The following HTR2C variants were observed in gnomAD, a reference collection of about 807,000 sequenced individuals.
The protein encoded by HTR2C is 5-hydroxytryptamine receptor 2C, also known as 5-hydroxytryptamine (serotonin) receptor 2C, G protein-coupled.
A neutral mutation model predicts 21.0 loss-of-function variants in HTR2C; 5 were observed. That is an observed-to-expected ratio of 0.24 (90% CI 0.12 to 0.50). The LOEUF (loss-of-function observed/expected upper bound fraction) is 0.50, where lower values mean the gene tolerates loss of function less well. HTR2C is among the 20% of genes least tolerant of loss of function. The pLI, the probability that HTR2C is intolerant of heterozygous loss-of-function variation, is 0.98. For missense variants in HTR2C, 271 were observed against 371.2 expected, an observed-to-expected ratio of 0.73 and a Z score of 2.22; for synonymous variants, 150 against 145.3, an observed-to-expected ratio of 1.03 and a Z score of -0.23.
At chrX:114,588,715 G>GT (rs1927508970) in intron 1 of HTR2C, among the ~76,000 whole-genome samples, 1 of 111,882 alleles carries the variant, frequency 8.9e-6, no homozygotes, top group Non-Finnish European at 1.9e-5. Context: ...TTAAACTTAC[G>GT]TATCTCCCAT....
At chrX:114,720,149 A>G (rs1213615537) in intron 2 of HTR2C, among the ~76,000 whole-genome samples, 1 of 111,102 alleles carries the variant, frequency 9.0e-6, no homozygotes. Context: ...GGTAAAATTT[A>G]TGGGACAGTA....
chrX:114,815,597 T>C (rs1476473121), intron 4 of HTR2C, among the ~76,000 whole-genome samples: 1 of 111,579 alleles, frequency 9.0e-6, no homozygotes, highest in Non-Finnish European at 1.9e-5. Context: ...AAAGAATATC[T>C]TGATGACCTC....
At position 114,852,489 on chromosome X, in the gene HTR2C, C is replaced by T. The variant is rs188113422; in HGVS notation, c.550+4286C>T. 7.1e-3 allele frequency among the ~76,000 whole-genome samples: 785 copies of T among 110,335 alleles called. 6 individuals carry two copies. Among genetic ancestry groups the T allele is most frequent in the Non-Finnish European group, 0.012 (630 of 52,826 alleles). On this transcript the variant is annotated intron_variant, in intron 5 of 5. Coordinates refer to ENST00000276198, the MANE Select transcript of HTR2C (RefSeq NM_000868.4). ...CATTCTTAAATTAAAAGTTAAAATG[C>T]TACATACAAATTAATACTTTGTTTT...
At chrX:114,796,940 A>G (rs782102203) in intron 4 of HTR2C, among the ~76,000 whole-genome samples, 4 of 112,014 alleles carry the variant, frequency 3.6e-5, no homozygotes, top group East Asian at 2.8e-4. Flanking sequence ...ATCTAATAAC[A>G]GCATAAATTA....
chrX:114,711,823 C>G (rs1175542558), intron 2 of HTR2C, among the ~76,000 whole-genome samples: 1 of 111,639 alleles, frequency 9.0e-6, no homozygotes, highest in Non-Finnish European at 1.9e-5. Context: ...GTGCCTGGAA[C>G]AAAGTAGGTG....
At position 114,708,265 on chromosome X, in the gene HTR2C, A is replaced by G. The variant is rs188335569; in HGVS notation, c.-79-18593A>G. On this transcript the variant is annotated intron_variant, in intron 2 of 5. Coordinates refer to ENST00000276198, the MANE Select transcript of HTR2C (RefSeq NM_000868.4). ...TAAGAGCAATTTCACATACTATCAA[A>G]TTTTTGGCCACATATCAGATTAAAC... 3.7e-3 allele frequency among the ~76,000 whole-genome samples: 416 copies of G among 111,285 alleles called. 3 individuals are homozygous for G. Among genetic ancestry groups the G allele is most frequent in the African/African-American group, 0.013 (385 of 30,585 alleles).
In HTR2C at chrX:114,791,213, G is replaced by T. The variant is rs2070229034; in HGVS notation, c.350-56790G>T. ...TATTATAGAATTGATCATAAGATTT[G>T]CAGAAAAATTAAATGGACCAACACA... On this transcript the variant is annotated intron_variant, in intron 4 of 5. Transcript: ENST00000276198. Among the ~76,000 whole-genome samples, 5 of 112,353 alleles carry T rather than the reference G, an allele frequency of 4.5e-5. No homozygotes were observed. The South Asian group carries it at 1.8e-3, about 40-fold the overall frequency.
chrX:114,718,866 A>G (rs1373285624), intron 2 of HTR2C, among the ~76,000 whole-genome samples: 4 of 105,281 alleles, frequency 3.8e-5, no homozygotes, highest in Admixed American at 2.2e-4. Context: ...AGTAACACAG[A>G]AACACACAAA....
intron 2 of HTR2C, among the ~76,000 whole-genome samples, chrX:114,668,571 C>G (rs1931256782): frequency 9.0e-6 from 1 of 111,186 alleles, no homozygotes; most frequent in Admixed American, 9.6e-5. Flanking sequence ...CCTGAAAAAG[C>G]ATAGATGGGG....
chrX:114,696,749 G>A (rs1186869210), intron 2 of HTR2C, among the ~76,000 whole-genome samples: 2 of 102,665 alleles, frequency 1.9e-5, no homozygotes, highest in Non-Finnish European at 4.0e-5. Context: ...CAAACTATAC[G>A]ATGTTAATGA....
chrX:114,739,786 G>A (rs1556425052), intron 4 of HTR2C, among the ~76,000 whole-genome samples: 2 of 111,723 alleles, frequency 1.8e-5, no homozygotes, highest in Non-Finnish European at 3.8e-5. Context: ...AACTAAAGAT[G>A]TGAGTAGGCA....
intron 2 of HTR2C, among the ~76,000 whole-genome samples, chrX:114,724,014 T>C (rs1483546713): frequency 1.8e-4 from 18 of 102,046 alleles, no homozygotes; most frequent in African/African-American, 6.4e-4. Flanking sequence ...TGGAGAGTTC[T>C]GTAGATGTCT....
intron 5 of HTR2C, among the ~76,000 whole-genome samples, chrX:114,888,011 A>T (rs1391097396): frequency 9.0e-6 from 1 of 110,779 alleles, no homozygotes; most frequent in Non-Finnish European, 1.9e-5. Context: ...GAGACTCTAA[A>T]AAATAAATAA....
intron 4 of HTR2C, among the ~76,000 whole-genome samples, chrX:114,797,243 T>C (rs1316837452): frequency 2.7e-5 from 3 of 111,503 alleles, no homozygotes; most frequent in African/African-American, 9.8e-5. Context: ...AAGCAACATT[T>C]TTTTAAAATA....
intron 4 of HTR2C, among the ~76,000 whole-genome samples, chrX:114,787,864 G>A (rs868908782): frequency 3.7e-5 from 4 of 107,148 alleles, no homozygotes; most frequent in African/African-American, 6.8e-5. Context: ...AGAGAATGGC[G>A]TGAACCCGGG....
intron 5 of HTR2C, among the ~76,000 whole-genome samples, chrX:114,852,861 G>A (rs1315629756): frequency 2.7e-5 from 3 of 110,379 alleles, no homozygotes; most frequent in East Asian, 2.9e-4. Flanking sequence ...GTGCATGTGT[G>A]TGTTTCATAT....
intron 2 of HTR2C, among the ~76,000 whole-genome samples, chrX:114,686,493 GGGCCTTAGGTCTATCAA>G (rs1556414229): frequency 2.7e-5 from 3 of 110,957 alleles, no homozygotes; most frequent in Non-Finnish European, 5.7e-5. Context: ...ATTTCTGAGA[GGGCCTTAGGTCTATCAA>G]GGTGGGCAAG....
chrX:114,805,824 C>CAT lies in HTR2C; in HGVS notation c.350-42171_350-42170dup, dbSNP rs1327483474. On this transcript the variant is annotated intron_variant, in intron 4 of 5. Transcript: ENST00000276198. ...CCATGTATATACACCATATATATACCATATATATACCATATATACCATATA... is the reference window on the plus strand; with the variant it reads ...CCATGTATATACACCATATATATACCATATATATATACCATATATACCATATA... 4.6e-5 allele frequency among the ~76,000 whole-genome samples: 4 copies of CAT among 87,011 alleles called. No individual in the cohort carries two copies. In the Admixed American group the frequency reaches 5.2e-4, roughly 11 times the overall value. 75.6% of individuals were successfully genotyped at this position (87,011 alleles called of 115,157 possible).
chrX:114,703,705 TAAATC>T (rs1281490568), intron 2 of HTR2C, among the ~76,000 whole-genome samples: 2 of 109,933 alleles, frequency 1.8e-5, no homozygotes, highest in Non-Finnish European at 3.8e-5. Flanking sequence ...AGAAATAACT[TAAATC>T]AGAGCAGAAC....
Sources: allele counts gnomAD v4.1 joint callset (sites outside exome capture counted in the v4.1 genomes callset), GRCh38; gene constraint gnomAD v4.1.1; transcripts MANE v1.5; gene names NCBI Gene and HGNC (gene_info 2026-07-23, HGNC 2026-07-21).